ANKMY2: variants seen among roughly 807,000 people sequenced by gnomAD.
The protein encoded by ANKMY2 is ankyrin repeat and MYND domain-containing protein 2.
In ANKMY2, 36 loss-of-function variants were observed where a neutral mutation model predicts 50.4. The ratio of observed to expected loss-of-function variants is 0.71; its 90% confidence interval spans 0.55 to 0.94. The LOEUF (loss-of-function observed/expected upper bound fraction) is 0.94. Among genes scored for constraint, ANKMY2 ranks in the 40% least tolerant of loss-of-function variants. ANKMY2 has a pLI of 0.00. For synonymous variants in ANKMY2, 187 were observed against 178.8 expected, an observed-to-expected ratio of 1.05 and a Z score of -0.36; for missense variants, 565 against 524.0, an observed-to-expected ratio of 1.08 and a Z score of -0.76.
chr7:16,617,026 G>A (rs1445361236), intron 4 of ANKMY2, among the ~76,000 whole-genome samples: 1 of 152,144 alleles, frequency 6.6e-6, no homozygotes, highest in African/African-American at 2.4e-5. Flanking sequence ...GACCAAACCA[G>A]CTTAATGTCT....
Position 16,609,742 on chromosome 7 carries a change from T to A in ANKMY2, c.770A>T (p.Asp257Val). Residue 257 changes from aspartate (D) to valine (V), a missense_variant, in exon 7 of 10, where the codon GAT becomes GTT. Asp to Val is a radical substitution (Grantham distance 152). Coordinates refer to ENST00000306999, the MANE Select transcript of ANKMY2 (RefSeq NM_020319.3). ...CTTTTCTTGATACACTGGAAAGCCA[T>A]CAGAAGCTCGGCCTTTTAACAAGCT... The part of the protein sequence containing the change: ...IKSLLKGRAS[D>V]GFPVYQEKII... 1 of 1,608,944 alleles carries A rather than the reference T, an allele frequency of 6.2e-7. No homozygotes were observed. Among genetic ancestry groups the A allele is most frequent in the Non-Finnish European group, 8.5e-7 (1 of 1,178,520 alleles).
rs188257109 is a variant in ANKMY2 at position 16,641,181 on chromosome 7, C to T, written c.67+4326G>A. On this transcript the variant is annotated intron_variant, in intron 1 of 9. Coordinates refer to ENST00000306999, the MANE Select transcript of ANKMY2 (RefSeq NM_020319.3). ...CTTGGGAGGCAGAGGTTGCAGTGAG[C>T]CGAGAGCGCACCATTGCATTCCAGC... Among the ~76,000 whole-genome samples the T allele has an allele frequency of 7.2e-3, 1,096 of 152,216 alleles. 10 individuals carry two copies. Among genetic ancestry groups the T allele is most frequent in the African/African-American group, 0.025 (1,045 of 41,518 alleles).
intron 1 of ANKMY2, among the ~76,000 whole-genome samples, chr7:16,643,507 A>AGCCTGGGTG (rs1781773179): frequency 1.3e-5 from 2 of 152,104 alleles, no homozygotes; most frequent in African/African-American, 4.8e-5. Context: ...GGCATGGTCC[A>AGCCTGGGTG]ATGAAAGCGA....
At chr7:16,638,095 A>T (rs1335567489) in intron 1 of ANKMY2, among the ~76,000 whole-genome samples, 7 of 152,226 alleles carry the variant, frequency 4.6e-5, no homozygotes, top group Admixed American at 3.9e-4. Context: ...CTCTCACTCA[A>T]TAGTCTCAAT....
In ANKMY2 at chr7:16,604,786, C is replaced by T. The variant is rs778888872; in HGVS notation, c.946G>A (p.Asp316Asn). 3 of 1,613,984 alleles carry T rather than the reference C, an allele frequency of 1.9e-6. No individual in the cohort carries two copies. The highest frequency in any genetic ancestry group is 2.7e-5 in the African/African-American group (2 of 74,934). The part of the protein sequence containing the change: ...QAITGQVGFV[D>N]VEFCTTCGEK... Reference sequence around the variant, plus strand: ...CCACAGGTAGTGCAAAATTCCACATCCACAAAACCCACCTGGCCAGTGATG... The same window carrying T: ...CCACAGGTAGTGCAAAATTCCACATTCACAAAACCCACCTGGCCAGTGATG... Residue 316 changes from aspartate to asparagine, a missense_variant, in exon 8 of 10, where the codon GAT becomes AAT. Asp to Asn is a conservative substitution (Grantham distance 23). Coordinates refer to ENST00000306999, the MANE Select transcript of ANKMY2 (RefSeq NM_020319.3).
intron 7 of ANKMY2, among the ~76,000 whole-genome samples, chr7:16,605,673 ACT>A (rs1781146313): frequency 2.4e-5 from 1 of 42,484 alleles, no homozygotes; most frequent in Non-Finnish European, 4.8e-5. Context: ...AATTTTTTGT[ACT>A]TTTTTTTTTT....
In ANKMY2 at chr7:16,645,708, T is replaced by C. The variant is rs947574189; in HGVS notation, c.-135A>G. ...CTGAGTAGCCAACCGCGGAAACGCT[T>C]CGCTTCTCTCCTCCCTCCCGCGGGC... On this transcript the variant is annotated 5_prime_UTR_variant, in exon 1 of 10. Coordinates refer to ENST00000306999, the MANE Select transcript of ANKMY2 (RefSeq NM_020319.3). The C allele has an allele frequency of 3.1e-5, 30 of 960,116 alleles. No individual in the cohort carries two copies. The African/African-American group carries it at 4.7e-4, about 15-fold the overall frequency. The allele number at this position is 960,116 out of a possible 1,614,324, so 59.5% of individuals were successfully genotyped here.
At chr7:16,625,171 C>T (rs1781492417) in intron 3 of ANKMY2, 90 bp from the exon 4 acceptor site, 5 of 958,060 alleles carry the variant, frequency 5.2e-6, no homozygotes, top group Non-Finnish European at 6.3e-6. Flanking sequence ...TTTATTCCCC[C>T]AGTTAGTTTT....
At chr7:16,639,604 C>T (rs915493272) in intron 1 of ANKMY2, among the ~76,000 whole-genome samples, 7 of 151,882 alleles carry the variant, frequency 4.6e-5, no homozygotes, top group African/African-American at 1.7e-4. Context: ...ATAGTGAGAC[C>T]CCATCTCTAC....
At chr7:16,613,109 T>A (rs1432241684) in intron 5 of ANKMY2, among the ~76,000 whole-genome samples, 1 of 152,176 alleles carries the variant, frequency 6.6e-6, no homozygotes, top group African/African-American at 2.4e-5. Flanking sequence ...TCTGCTGACA[T>A]TTTTTTCTGT....
chr7:16,639,778 T>C (rs1048922772), intron 1 of ANKMY2, among the ~76,000 whole-genome samples: 1 of 152,146 alleles, frequency 6.6e-6, no homozygotes, highest in Admixed American at 6.5e-5. Flanking sequence ...TGAGACCCTG[T>C]CTCAAAAGAG....
chr7:16,603,158 GCTT>G (rs1444903930), intron 8 of ANKMY2, among the ~76,000 whole-genome samples: 4 of 152,268 alleles, frequency 2.6e-5, no homozygotes, highest in Non-Finnish European at 4.4e-5. Context: ...TTAGCAAATA[GCTT>G]ATTATGAACC....
At chr7:16,601,837 C>T (rs1436705377) in intron 9 of ANKMY2, among the ~76,000 whole-genome samples, 1 of 152,056 alleles carries the variant, frequency 6.6e-6, no homozygotes, top group Non-Finnish European at 1.5e-5. Flanking sequence ...GGTCACAAAA[C>T]CTCAAGAGGG....
chr7:16,619,237 T>C (rs1781400308), intron 4 of ANKMY2, among the ~76,000 whole-genome samples: 1 of 151,252 alleles, frequency 6.6e-6, no homozygotes, highest in Non-Finnish European at 1.5e-5. Context: ...CACCGCAACC[T>C]CCGCCTCCTA....
intron 2 of ANKMY2, among the ~76,000 whole-genome samples, chr7:16,629,118 G>A (rs143673614): frequency 1.3e-5 from 2 of 151,784 alleles, no homozygotes; most frequent in Admixed American, 6.6e-5. Flanking sequence ...ACTCCCTTTC[G>A]TCTCATTTAA....
At chr7:16,603,405 C>G (rs943382713) in intron 8 of ANKMY2, 3 of 326,310 alleles carry the variant, frequency 9.2e-6, no homozygotes, top group African/African-American at 2.2e-5. Flanking sequence ...AGAATTCTAA[C>G]TGGAGAAAAT....
chr7:16,609,101 G>A (rs1431955995), intron 7 of ANKMY2, among the ~76,000 whole-genome samples: 1 of 152,190 alleles, frequency 6.6e-6, no homozygotes, highest in African/African-American at 2.4e-5. Flanking sequence ...TAGTGGGTAA[G>A]TATAAATAGG....
At chr7:16,619,449 C>G (rs1007133328) in intron 4 of ANKMY2, among the ~76,000 whole-genome samples, 1 of 152,130 alleles carries the variant, frequency 6.6e-6, no homozygotes, top group Non-Finnish European at 1.5e-5. Context: ...CTACTGTGCC[C>G]GGCCTAATTA....
intron 1 of ANKMY2, among the ~76,000 whole-genome samples, chr7:16,641,189 G>A (rs754766455): frequency 6.6e-6 from 1 of 152,018 alleles, no homozygotes; most frequent in African/African-American, 2.4e-5. Flanking sequence ...AGCCGAGAGC[G>A]CACCATTGCA....
Sources: allele counts gnomAD v4.1 joint callset (sites outside exome capture counted in the v4.1 genomes callset), GRCh38; gene constraint gnomAD v4.1.1; transcripts MANE v1.5; gene names NCBI Gene and HGNC (gene_info 2026-07-23, HGNC 2026-07-21).